LRCH1: variants seen among roughly 807,000 people sequenced by gnomAD.
The protein encoded by LRCH1 is leucine rich repeats and calponin homology domain containing 1, also known as leucine-rich repeat and calponin homology domain-containing protein 1.
A neutral mutation model predicts 94.9 loss-of-function variants in LRCH1; 23 were observed. The observed-to-expected ratio is 0.24, with a 90% CI of 0.17 to 0.34. The LOEUF (loss-of-function observed/expected upper bound fraction) is 0.34, where lower values mean the gene tolerates loss of function less well. Among genes scored for constraint, LRCH1 ranks in the 10% least tolerant of loss-of-function variants. The pLI is 1.00. For missense variants in LRCH1, 790 were observed against 945.9 expected, an observed-to-expected ratio of 0.84 and a Z score of 2.16; for synonymous variants, 364 against 354.9, an observed-to-expected ratio of 1.03 and a Z score of -0.29.
intron 1 of LRCH1, among the ~76,000 whole-genome samples, chr13:46,555,219 C>G (rs1157858118): frequency 6.6e-6 from 1 of 152,152 alleles, no homozygotes; most frequent in Non-Finnish European, 1.5e-5. Context: ...GGAACTTATT[C>G]CAAGAATTGC....
chr13:46,748,032 A>G (rs543724134), downstream of LRCH1, among the ~76,000 whole-genome samples: 1 of 152,292 alleles, frequency 6.6e-6, no homozygotes, highest in Non-Finnish European at 1.5e-5. Flanking sequence ...ATGAGCCACC[A>G]TACACATTGT....
Position 46,744,187 on chromosome 13 carries a change from A to C in LRCH1, c.*2339A>C. 2.0e-6 allele frequency: 2 copies of C among 985,436 alleles called. No individual in the cohort carries two copies. The highest frequency in any genetic ancestry group is 2.4e-6 in the Non-Finnish European group (2 of 829,942). The allele number at this position is 985,436 out of a possible 1,614,324, so 61.0% of individuals were successfully genotyped here. A position where few individuals can be genotyped will look rare whatever the true frequency, so the allele number is the denominator to read the frequency against. ...GATGCCTGCGGATGCCTGCCCTTGC[A>C]GCTTGACTGGGGATACCTGGCTGAC... On this transcript the variant is annotated 3_prime_UTR_variant, in exon 20 of 20. Coordinates refer to ENST00000389797, the MANE Select transcript of LRCH1 (RefSeq NM_001164211.2).
Position 46,553,226 on chromosome 13 carries a change from C to CAG in LRCH1, c.-171_-170insAG. ...TTCAAGACCGAGCTGCCACGGCCGC[C>CAG]TCCCCGCCCGCCCCCCATTCTACGC... On this transcript the variant is annotated 5_prime_UTR_variant, in exon 1 of 20. Transcript: ENST00000389797. The CAG allele has an allele frequency of 1.8e-6, 1 of 543,570 alleles. No individual in the cohort carries two copies. 33.7% of individuals were successfully genotyped at this position (543,570 alleles called of 1,614,324 possible).
chr13:46,608,105 G>C (rs2050708153), intron 1 of LRCH1, among the ~76,000 whole-genome samples: 1 of 152,206 alleles, frequency 6.6e-6, no homozygotes, highest in African/African-American at 2.4e-5. Context: ...AGTGATTTGT[G>C]AAGGGCATCA....
rs842380 is a variant in LRCH1 at position 46,685,996 on chromosome 13, A to G, written c.777A>G (p.Gln259=). 4.8e-3 allele frequency: 7,688 copies of G among 1,610,136 alleles called. 332 individuals are homozygous for G. In the African/African-American group the frequency reaches 0.089, roughly 19 times the overall value. Residue 259 remains glutamine (Q), a synonymous_variant, in exon 5 of 20, where the codon CAA becomes CAG. Coordinates refer to ENST00000389797, the MANE Select transcript of LRCH1 (RefSeq NM_001164211.2). ...GTTTTAGAGAGATGAAGCAGCTGCA[A>G]GTGTTACTACTTGAGAATAACCCTC... is the stretch of plus-strand genomic sequence containing the variant. ...PICFREMKQL[Q]VLLLENNPLQ...
At chr13:46,555,077 G>A (rs1271555385) in intron 1 of LRCH1, among the ~76,000 whole-genome samples, 1 of 152,170 alleles carries the variant, frequency 6.6e-6, no homozygotes, top group Non-Finnish European at 1.5e-5. Context: ...TGGCTCTCCA[G>A]GGTCATTAAA....
At chr13:46,554,598 T>A (rs979565155) in intron 1 of LRCH1, among the ~76,000 whole-genome samples, 1 of 152,356 alleles carries the variant, frequency 6.6e-6, no homozygotes, top group African/African-American at 2.4e-5. Context: ...CTTTTTCAAG[T>A]TACGTCATGT....
At chr13:46,589,164 G>A (rs1184308302) in intron 1 of LRCH1, among the ~76,000 whole-genome samples, 1 of 151,934 alleles carries the variant, frequency 6.6e-6, no homozygotes, top group Non-Finnish European at 1.5e-5. Context: ...AGCCTCCCAA[G>A]TAGCTGGAAC....
downstream of LRCH1, among the ~76,000 whole-genome samples, chr13:46,747,059 C>A (rs145418951): frequency 2.0e-5 from 3 of 152,292 alleles, no homozygotes; most frequent in Non-Finnish European, 4.4e-5. Context: ...GCAAAGTAAT[C>A]TGAGGGCACC....
Position 46,694,922 on chromosome 13 carries a change from C to T in LRCH1, c.1150C>T (p.Pro384Ser), listed in dbSNP as rs759445858. 3.1e-6 allele frequency: 5 copies of T among 1,614,086 alleles called. 1 individual carries two copies. In the South Asian group the frequency reaches 5.5e-5, roughly 18 times the overall value. The change falls in exon 9 of 20, where the codon CCT becomes TCT. Residue 384 changes from proline to serine, a missense_variant. Physicochemically the swap from Pro to Ser is moderately conservative, Grantham distance 74. Transcript: ENST00000389797. ...GEFHQEFQPE[P>S]SLLGDSTNSG... ...ATTTCATCAGGAATTTCAACCGGAGCCTTCCCTTTTGGGTGACAGCACCAA... is the reference window on the plus strand; with the variant it reads ...ATTTCATCAGGAATTTCAACCGGAGTCTTCCCTTTTGGGTGACAGCACCAA...
At chr13:46,628,884 C>T (rs1006535612) in intron 1 of LRCH1, among the ~76,000 whole-genome samples, 8 of 152,174 alleles carry the variant, frequency 5.3e-5, no homozygotes, top group South Asian at 2.1e-4. Context: ...CAGTCAAATT[C>T]GCAGTATAGA....
chr13:46,731,923 G>T (rs1280980795), intron 18 of LRCH1, among the ~76,000 whole-genome samples: 1 of 152,016 alleles, frequency 6.6e-6, no homozygotes, highest in Non-Finnish European at 1.5e-5. Context: ...TTCTTCCTTT[G>T]TTCATTTTCC....
chr13:46,729,874 T>C (rs1873013918), intron 18 of LRCH1, among the ~76,000 whole-genome samples: 3 of 152,198 alleles, frequency 2.0e-5, no homozygotes, highest in African/African-American at 7.2e-5. Flanking sequence ...CAAGGACTCA[T>C]TGGTGATGCT....
Position 46,646,884 on chromosome 13 carries a change from G to A in LRCH1, c.308-3317G>A, listed in dbSNP as rs527883948. Reference sequence around the variant, plus strand: ...TCCCAGCACTTTGGGAGGTCGAGGTGGGCAGCTCACCTGAGGTCCGGGGTT... The same window carrying A: ...TCCCAGCACTTTGGGAGGTCGAGGTAGGCAGCTCACCTGAGGTCCGGGGTT... On this transcript the variant is annotated intron_variant, in intron 1 of 19. Coordinates refer to ENST00000389797, the MANE Select transcript of LRCH1 (RefSeq NM_001164211.2). Among the ~76,000 whole-genome samples the A allele has an allele frequency of 5.3e-5, 8 of 152,194 alleles. No individual in the cohort carries two copies. The East Asian group carries it at 1.5e-3, about 29-fold the overall frequency.
chr13:46,746,025 C>T (rs1015388424), downstream of LRCH1, among the ~76,000 whole-genome samples: 1 of 152,164 alleles, frequency 6.6e-6, no homozygotes, highest in African/African-American at 2.4e-5. Flanking sequence ...GCCACGGGAC[C>T]TCTTCCTATA....
intron 11 of LRCH1, among the ~76,000 whole-genome samples, chr13:46,702,522 A>C (rs1871534863): frequency 6.6e-6 from 1 of 152,020 alleles, no homozygotes; most frequent in Non-Finnish European, 1.5e-5. Flanking sequence ...TAATAAAACA[A>C]ATAAATAAAT....
In LRCH1 at chr13:46,615,183, A is replaced by G. The variant is rs1456823463; in HGVS notation, c.308-35018A>G. 2.6e-5 allele frequency among the ~76,000 whole-genome samples: 4 copies of G among 152,328 alleles called. 1 individual carries two copies. The highest frequency in any genetic ancestry group is 2.6e-4 in the Admixed American group (4 of 15,308). On this transcript the variant is annotated intron_variant, in intron 1 of 19. Coordinates refer to ENST00000389797, the MANE Select transcript of LRCH1 (RefSeq NM_001164211.2). ...GTAATTTATAAAGAAAAGAGGTTTT[A>G]TTGGCTCATGGTTCTGCAGGCTCTG...
chr13:46,608,634 T>C (rs1015723235), intron 1 of LRCH1, among the ~76,000 whole-genome samples: 6 of 152,240 alleles, frequency 3.9e-5, no homozygotes, highest in Non-Finnish European at 5.9e-5. Flanking sequence ...TCACCCTGTT[T>C]CCTCTTTTAC....
intron 2 of LRCH1, among the ~76,000 whole-genome samples, chr13:46,658,315 A>T (rs187592098): frequency 6.6e-6 from 1 of 152,016 alleles, no homozygotes; most frequent in Non-Finnish European, 1.5e-5. Context: ...ATTGATTACC[A>T]GTGATTTTTT....
Sources: gnomAD v4.1 joint callset for allele counts (sites outside exome capture counted in the v4.1 genomes callset) on GRCh38, gnomAD v4.1.1 for gene constraint, MANE v1.5 for transcripts, NCBI Gene and HGNC (gene_info 2026-07-23, HGNC 2026-07-21) for gene names.